Variants in EXOC6B observed in about 807,000 individuals in gnomAD.
EXOC6B encodes the protein exocyst complex component 6B, also known as SEC15 homolog B.
Under a neutral mutation model 113.5 loss-of-function variants are expected in EXOC6B, and 54 were observed. The observed-to-expected ratio is 0.48, with a 90% CI of 0.38 to 0.60. The LOEUF is 0.60. EXOC6B is among the 20% of genes least tolerant of loss of function. The pLI is 0.00. For missense variants in EXOC6B, 797 were observed against 977.5 expected (o/e 0.82, Z 2.46); for synonymous variants, 357 against 339.0 (o/e 1.05, Z -0.58).
Position 72,294,557 on chromosome 2 carries a change from C to T in EXOC6B, c.2196+40390G>A, listed in dbSNP as rs542968223. Among the ~76,000 whole-genome samples the T allele has an allele frequency of 1.2e-4, 18 of 152,106 alleles. 1 individual carries two copies. The South Asian group carries it at 3.7e-3, about 32-fold the overall frequency. ...TCACTTTTTGATATTAAAGTCTTTG[C>T]TTTTTTATTTTAAGCCAGTCTCAGC... On this transcript the variant is annotated intron_variant, in intron 20 of 21. Transcript: ENST00000272427.
At chr2:72,225,201 C>G (rs1170811473) in intron 20 of EXOC6B, among the ~76,000 whole-genome samples, 2 of 151,506 alleles carry the variant, frequency 1.3e-5, no homozygotes, top group Non-Finnish European at 2.9e-5. Context: ...TGAAATAATA[C>G]TACATAGGAT....
At chr2:72,258,018 G>A (rs1389138897) in intron 20 of EXOC6B, among the ~76,000 whole-genome samples, 1 of 152,144 alleles carries the variant, frequency 6.6e-6, no homozygotes, top group Non-Finnish European at 1.5e-5. Context: ...GAAGGAAATT[G>A]GCTTACTCAC....
intron 1 of EXOC6B, among the ~76,000 whole-genome samples, chr2:72,821,900 T>C (rs932256067): frequency 5.9e-5 from 9 of 152,172 alleles, no homozygotes; most frequent in Admixed American, 5.9e-4. Context: ...TCTGCGAATA[T>C]ACATACCCAA....
intron 8 of EXOC6B, among the ~76,000 whole-genome samples, chr2:72,519,897 A>G (rs567090260): frequency 6.6e-6 from 1 of 152,334 alleles, no homozygotes; most frequent in East Asian, 1.9e-4. Context: ...TTGTAGAATT[A>G]AAGTACAAAA....
rs1687240658 is a variant in EXOC6B, at chr2:72,312,346, G to C, written c.2196+22601C>G. 2.0e-5 allele frequency among the ~76,000 whole-genome samples: 3 copies of C among 151,726 alleles called. No individual in the cohort carries two copies. The South Asian group carries it at 6.2e-4, about 32-fold the overall frequency. On this transcript the variant is annotated intron_variant, in intron 20 of 21. Transcript: ENST00000272427. ...CAACTGAGTCAATTAAGTTCTATGAGGTAGAGACATGTGAATTGAAAAGTA... is the reference window on the plus strand; with the variant it reads ...CAACTGAGTCAATTAAGTTCTATGACGTAGAGACATGTGAATTGAAAAGTA...
chr2:72,306,194 T>G (rs1558540914), intron 20 of EXOC6B, among the ~76,000 whole-genome samples: 1 of 152,060 alleles, frequency 6.6e-6, no homozygotes, highest in Non-Finnish European at 1.5e-5. Context: ...AAAAACAAGG[T>G]AAATAATAGA....
intron 8 of EXOC6B, among the ~76,000 whole-genome samples, chr2:72,535,667 G>A (rs1036234624): frequency 2.0e-5 from 3 of 152,024 alleles, no homozygotes; most frequent in African/African-American, 7.2e-5. Context: ...GAGGTCGAGA[G>A]TTCAAGACCA....
intron 18 of EXOC6B, among the ~76,000 whole-genome samples, chr2:72,418,257 A>G (rs906714414): frequency 6.6e-6 from 1 of 152,190 alleles, no homozygotes; most frequent in Non-Finnish European, 1.5e-5. Flanking sequence ...TCTCGTACAA[A>G]CATCACCAAC....
chr2:72,580,512 A>T (rs1183881487), intron 6 of EXOC6B, among the ~76,000 whole-genome samples: 3 of 152,178 alleles, frequency 2.0e-5, no homozygotes, highest in Non-Finnish European at 4.4e-5. Flanking sequence ...ATAATAATTA[A>T]TGACATCTAA....
intron 10 of EXOC6B, among the ~76,000 whole-genome samples, 159 bp downstream of exon 10, chr2:72,514,475 T>A (rs1028361143): frequency 6.6e-6 from 1 of 151,312 alleles, no homozygotes; most frequent in African/African-American, 2.4e-5. Flanking sequence ...ACAAATCTTG[T>A]CTTAAGGATT....
intron 6 of EXOC6B, among the ~76,000 whole-genome samples, chr2:72,681,998 C>CA (rs1558913787): frequency 2.3e-5 from 1 of 43,954 alleles, no homozygotes; most frequent in East Asian, 1.2e-3. Flanking sequence ...ACCAGAATCT[C>CA]TTAAAAAAAA....
intron 6 of EXOC6B, among the ~76,000 whole-genome samples, chr2:72,665,863 G>C (rs1358416514): frequency 1.3e-5 from 2 of 152,044 alleles, no homozygotes; most frequent in Non-Finnish European, 2.9e-5. Context: ...AATATAAACA[G>C]TCTAAATACC....
chr2:72,664,047 G>A (rs1466283224), intron 6 of EXOC6B, among the ~76,000 whole-genome samples: 6 of 152,006 alleles, frequency 3.9e-5, no homozygotes, highest in Non-Finnish European at 8.8e-5. Context: ...GGTAGTTCAC[G>A]GCTGCAATCC....
At chr2:72,311,776 AG>A (rs1027388568) in intron 20 of EXOC6B, among the ~76,000 whole-genome samples, 2 of 152,230 alleles carry the variant, frequency 1.3e-5, no homozygotes, top group African/African-American at 2.4e-5. Context: ...GAGTAAATGA[AG>A]AACAGAGGAC....
intron 20 of EXOC6B, 90 bp downstream of exon 20, chr2:72,334,856 AT>A (rs1688598599): frequency 8.4e-7 from 1 of 1,184,118 alleles, no homozygotes; most frequent in Non-Finnish European, 1.3e-6. Context: ...GCCAACGCCA[AT>A]CCCCCTCCCT....
chr2:72,646,348 G>A (rs1355652556), intron 6 of EXOC6B, among the ~76,000 whole-genome samples: 3 of 151,958 alleles, frequency 2.0e-5, no homozygotes, highest in Admixed American at 6.6e-5. Context: ...ATTCACAGCT[G>A]GGTTCTACCA....
intron 1 of EXOC6B, among the ~76,000 whole-genome samples, chr2:72,758,587 G>A (rs1198250006): frequency 6.6e-6 from 1 of 152,176 alleles, no homozygotes; most frequent in Non-Finnish European, 1.5e-5. Flanking sequence ...GCATTTGTCT[G>A]AGGACAGTAT....
chr2:72,699,852 T>C (rs1049614661), intron 6 of EXOC6B, among the ~76,000 whole-genome samples: 1 of 152,154 alleles, frequency 6.6e-6, no homozygotes, highest in Non-Finnish European at 1.5e-5. Flanking sequence ...TTAATGGCAC[T>C]ACACACAAAA....
At position 72,407,160 on chromosome 2, in the gene EXOC6B, A is replaced by T. The variant is rs577273178; in HGVS notation, c.1981-27290T>A. Among the ~76,000 whole-genome samples, 6 of 152,298 alleles carry T rather than the reference A, an allele frequency of 3.9e-5. No homozygotes were observed. The East Asian group carries it at 1.2e-3, about 29-fold the overall frequency. On this transcript the variant is annotated intron_variant, in intron 18 of 21. Coordinates refer to ENST00000272427, the MANE Select transcript of EXOC6B (RefSeq NM_015189.3). Reference sequence around the variant, plus strand: ...GACACATACACACTCCCAAGACTAAACCAGGAAGAAGTTGAATCTCTGAAT... The same window carrying T: ...GACACATACACACTCCCAAGACTAATCCAGGAAGAAGTTGAATCTCTGAAT...
Sources: allele counts gnomAD v4.1 joint callset (sites outside exome capture counted in the v4.1 genomes callset), GRCh38; gene constraint gnomAD v4.1.1; transcripts MANE v1.5; gene names NCBI Gene and HGNC (gene_info 2026-07-23, HGNC 2026-07-21).